Variants in OR1M1 observed in about 807,000 individuals in gnomAD.
OR1M1 encodes olfactory receptor 1M1.
For missense variants in OR1M1, 397 were observed against 401.8 expected (o/e 0.99, Z 0.10); for synonymous variants, 157 against 165.5 (o/e 0.95, Z 0.39).
At chr19:9,089,911 C>T (rs1440738067) in intron 1 of OR1M1, among the ~76,000 whole-genome samples, 1 of 152,154 alleles carries the variant, frequency 6.6e-6, no homozygotes, top group Non-Finnish European at 1.5e-5. Flanking sequence ...ATGCGTGCTT[C>T]ATGAATTACA....
intron 1 of OR1M1, among the ~76,000 whole-genome samples, chr19:9,089,603 T>C (rs2050282578): frequency 6.6e-6 from 1 of 152,016 alleles, no homozygotes; most frequent in Non-Finnish European, 1.5e-5. Flanking sequence ...TTTTGTATTT[T>C]TAGTAGAGAC....
intron 1 of OR1M1, among the ~76,000 whole-genome samples, chr19:9,091,441 G>A (rs1225761958): frequency 6.6e-6 from 1 of 151,976 alleles, no homozygotes; most frequent in African/African-American, 2.4e-5. Context: ...TAAGGAGCAC[G>A]TTGCTATTTT....
Position 9,093,694 on chromosome 19 carries a change from G to A in OR1M1, c.450G>A (p.Ala150=), listed in dbSNP as rs746512574. The A allele has an allele frequency of 7.2e-5, 116 of 1,613,962 alleles. No individual in the cohort carries two copies. The highest frequency in any genetic ancestry group is 4.5e-4 in the South Asian group (41 of 91,090). The change falls in exon 2 of 2, where the codon GCG becomes GCA. Residue 150 remains alanine (A), a synonymous_variant. Coordinates refer to ENST00000641627, the MANE Select transcript of OR1M1 (RefSeq NM_001004456.2). The part of the protein sequence containing the change: ...LCRLLVGALW[A]FSCFISLTHI... ...GCCTGCTGGTCGGCGCCCTCTGGGC[G>A]TTTTCCTGCTTCATCTCACTCACTC... is the stretch of plus-strand genomic sequence containing the variant.
rs1568297320 is a variant in OR1M1 at position 9,093,872 on chromosome 19, C to T, written c.628C>T (p.Pro210Ser). 3 of 1,613,994 alleles carry T rather than the reference C, an allele frequency of 1.9e-6. No homozygotes were observed. Among genetic ancestry groups the T allele is most frequent in the Non-Finnish European group, 2.5e-6 (3 of 1,180,036 alleles). ...LIVAGMVIATPFVCILASYAR... is the reference protein window; with the variant it reads ...LIVAGMVIATSFVCILASYAR... Reference sequence around the variant, plus strand: ...TGTGGCAGGGATGGTGATAGCCACGCCCTTTGTCTGCATCCTGGCCTCCTA... The same window carrying T: ...TGTGGCAGGGATGGTGATAGCCACGTCCTTTGTCTGCATCCTGGCCTCCTA... The change falls in exon 2 of 2, where the codon CCC (proline) becomes TCC (serine). Residue 210 changes from proline to serine, a missense_variant. Pro to Ser is a moderately conservative substitution (Grantham distance 74, BLOSUM62 -1). Transcript: ENST00000641627.
At position 9,094,016 on chromosome 19, in the gene OR1M1, GTCTA is replaced by G. The variant is rs749501395; in HGVS notation, c.776_779del (p.Tyr259CysfsTer10). The stretch of plus-strand genomic sequence containing the variant: ...TCTCTTCTATGGGACCACCATTGGC[GTCTA>G]TCTGTGTCCCTCCTCGGTCCTCACC... On this transcript the variant is annotated frameshift_variant, in exon 2 of 2. Transcript: ENST00000641627. LOFTEE classifies it low-confidence loss of function (END_TRUNC). 6.8e-6 allele frequency: 11 copies of G among 1,613,956 alleles called. No individual in the cohort carries two copies. Among genetic ancestry groups the G allele is most frequent in the Admixed American group, 3.3e-5 (2 of 59,976 alleles).
Position 9,093,217 on chromosome 19 carries a change from T to C in OR1M1, c.-13-15T>C. 1 of 1,516,060 alleles carries C rather than the reference T, an allele frequency of 6.6e-7. No homozygotes were observed. Among genetic ancestry groups the C allele is most frequent in the Non-Finnish European group, 9.0e-7 (1 of 1,110,664 alleles). The allele number at this position is 1,516,060 out of a possible 1,614,324, so 93.9% of individuals were successfully genotyped here. A position where few individuals can be genotyped will look rare whatever the true frequency, so the allele number is the denominator to read the frequency against. On this transcript the variant is annotated splice_polypyrimidine_tract_variant and intron_variant, in intron 1 of 1. Coordinates refer to ENST00000641627, the MANE Select transcript of OR1M1 (RefSeq NM_001004456.2). ...TCCCTGTCATTCCTATAACCTCCCC[T>C]TTCCATACTTCCAGAGGAATCACAC...
intron 1 of OR1M1, among the ~76,000 whole-genome samples, chr19:9,091,595 A>C (rs565636605): frequency 6.6e-6 from 1 of 151,598 alleles, no homozygotes; most frequent in Non-Finnish European, 1.5e-5. Context: ...GGAAGCAGAG[A>C]TTACAGTGAG....
Position 9,094,576 on chromosome 19 carries a change from G to C in OR1M1, c.*390G>C, listed in dbSNP as rs1046484502. 5.8e-6 allele frequency: 1 copy of C among 172,886 alleles called. No individual in the cohort carries two copies. The highest frequency in any genetic ancestry group is 5.6e-5 in the Admixed American group (1 of 17,706). The allele number at this position is 172,886 out of a possible 1,614,324, so 10.7% of individuals were successfully genotyped here. A position where few individuals can be genotyped will look rare whatever the true frequency, so the allele number is the denominator to read the frequency against. Reference sequence around the variant, plus strand: ...GTTTTTTGAGACAGAGTCTCGTTCTGTTGCCCAGGCTGGAGTGCAGTGGCA... The same window carrying C: ...GTTTTTTGAGACAGAGTCTCGTTCTCTTGCCCAGGCTGGAGTGCAGTGGCA... On this transcript the variant is annotated 3_prime_UTR_variant, in exon 2 of 2. Transcript: ENST00000641627.
At position 9,094,415 on chromosome 19, in the gene OR1M1, G is replaced by T; in HGVS notation, c.*229G>T. ...TGTGTGCATTGTTTTACTAGAGACA[G>T]GGTCTCACTAATTTGGCCAGGCTGG... On this transcript the variant is annotated 3_prime_UTR_variant, in exon 2 of 2. Coordinates refer to ENST00000641627, the MANE Select transcript of OR1M1 (RefSeq NM_001004456.2). The T allele has an allele frequency of 2.5e-6, 1 of 396,386 alleles. No individual in the cohort carries two copies. Among genetic ancestry groups the T allele is most frequent in the Non-Finnish European group, 4.5e-6 (1 of 224,078 alleles). The allele number at this position is 396,386 out of a possible 1,614,324, so 24.6% of individuals were successfully genotyped here.
rs935596844 is a variant in OR1M1 at position 9,094,334 on chromosome 19, C to T, written c.*148C>T. 1.6e-5 allele frequency: 9 copies of T among 580,056 alleles called. No homozygotes were observed. The highest frequency in any genetic ancestry group is 1.3e-4 in the African/African-American group (7 of 53,550). The allele number at this position is 580,056 out of a possible 1,614,324, so 35.9% of individuals were successfully genotyped here. A position where few individuals can be genotyped will look rare whatever the true frequency, so the allele number is the denominator to read the frequency against. ...AGAGATGGGGTCTCACTATGTTGCC[C>T]GTGCTGGAGTGCAGTGGCGTGATCA... On this transcript the variant is annotated 3_prime_UTR_variant, in exon 2 of 2. Coordinates refer to ENST00000641627, the MANE Select transcript of OR1M1 (RefSeq NM_001004456.2).
intron 1 of OR1M1, among the ~76,000 whole-genome samples, chr19:9,088,313 C>T (rs545338273): frequency 1.1e-4 from 16 of 152,234 alleles, no homozygotes; most frequent in African/African-American, 3.6e-4. Flanking sequence ...TTGGAGATTC[C>T]CAAGTATTCC....
In OR1M1 at chr19:9,094,665, G is replaced by A. The variant is rs555338321; in HGVS notation, c.*479G>A. ...AGCAATCCTCCCACCTCAGCCTTCC[G>A]AGTAGCTAGGACCATAGGCACATAC... is the stretch of plus-strand genomic sequence containing the variant. On this transcript the variant is annotated 3_prime_UTR_variant, in exon 2 of 2. Coordinates refer to ENST00000641627, the MANE Select transcript of OR1M1 (RefSeq NM_001004456.2). The A allele has an allele frequency of 5.1e-5, 8 of 157,490 alleles. No individual in the cohort carries two copies. The highest frequency in any genetic ancestry group is 3.3e-3 in the Middle Eastern group (1 of 304). 9.8% of individuals were successfully genotyped at this position (157,490 alleles called of 1,614,324 possible).
chr19:9,087,799 C>G (rs2050272382), intron 1 of OR1M1, among the ~76,000 whole-genome samples: 1 of 152,116 alleles, frequency 6.6e-6, no homozygotes, highest in African/African-American at 2.4e-5. Context: ...TCCAATGGCT[C>G]TTCTTACCAA....
Position 9,093,214 on chromosome 19 carries a change from C to G in OR1M1, c.-13-18C>G, listed in dbSNP as rs769483889. ...ATCTCCCTGTCATTCCTATAACCTC[C>G]CCTTTCCATACTTCCAGAGGAATCA... On this transcript the variant is annotated intron_variant, in intron 1 of 1. Transcript: ENST00000641627. 1 of 1,483,426 alleles carries G rather than the reference C, an allele frequency of 6.7e-7. No individual in the cohort carries two copies. The highest frequency in any genetic ancestry group is 1.9e-5 in the Admixed American group (1 of 53,154). 91.9% of individuals were successfully genotyped at this position (1,483,426 alleles called of 1,614,324 possible).
At chr19:9,093,211 C>T (rs1275732051) in intron 1 of OR1M1, 21 bp from the exon 2 acceptor site, 2 of 1,465,144 alleles carry the variant, frequency 1.4e-6, no homozygotes, top group South Asian at 1.3e-5. Flanking sequence ...TTCCTATAAC[C>T]TCCCCTTTCC....
intron 1 of OR1M1, among the ~76,000 whole-genome samples, chr19:9,087,729 T>C (rs1342669130): frequency 1.3e-5 from 2 of 151,196 alleles, no homozygotes; most frequent in African/African-American, 4.9e-5. Flanking sequence ...GAATTCACTG[T>C]GCTCGGCCGA....
Position 9,094,290 on chromosome 19 carries a change from A to T in OR1M1, c.*104A>T, listed in dbSNP as rs974661396. 1.2e-5 allele frequency: 7 copies of T among 570,014 alleles called. No individual in the cohort carries two copies. Among genetic ancestry groups the T allele is most frequent in the African/African-American group, 3.8e-5 (2 of 52,858 alleles). The allele number at this position is 570,014 out of a possible 1,614,324, so 35.3% of individuals were successfully genotyped here. A position where few individuals can be genotyped will look rare whatever the true frequency, so the allele number is the denominator to read the frequency against. ...TTGAAGAGTAGGCACTTTGAATTTT[A>T]TTATTATTATTATTATTTAGAGATG... is the stretch of plus-strand genomic sequence containing the variant. On this transcript the variant is annotated 3_prime_UTR_variant, in exon 2 of 2. Coordinates refer to ENST00000641627, the MANE Select transcript of OR1M1 (RefSeq NM_001004456.2).
At chr19:9,088,439 T>G (rs1376318643) in intron 1 of OR1M1, among the ~76,000 whole-genome samples, 1 of 152,112 alleles carries the variant, frequency 6.6e-6, no homozygotes, top group Non-Finnish European at 1.5e-5. Flanking sequence ...TCCTGATACT[T>G]AAATTTTTCC....
chr19:9,092,769 TG>T (rs1288934297), intron 1 of OR1M1, among the ~76,000 whole-genome samples: 2 of 151,506 alleles, frequency 1.3e-5, no homozygotes, highest in Non-Finnish European at 2.9e-5. Flanking sequence ...GACGTGGTGG[TG>T]GGCACCTGTA....
Sources: allele counts gnomAD v4.1 joint callset (sites outside exome capture counted in the v4.1 genomes callset), GRCh38; gene constraint gnomAD v4.1.1; transcripts MANE v1.5; gene names NCBI Gene and HGNC (gene_info 2026-07-23, HGNC 2026-07-21).